The following PRKG1 variants were observed in gnomAD, a reference collection of about 807,000 sequenced individuals.
The protein encoded by PRKG1 is protein kinase cGMP-dependent 1, also known as cGMP-dependent protein kinase 1.
A neutral mutation model predicts 88.1 loss-of-function variants in PRKG1; 35 were observed. The ratio of observed to expected loss-of-function variants is 0.40; its 90% CI spans 0.30 to 0.53. The LOEUF (loss-of-function observed/expected upper bound fraction) is 0.53. Ranked by LOEUF, PRKG1 falls within the 20% of genes least tolerant of loss-of-function variation. The pLI is 0.59. For synonymous variants in PRKG1, 303 were observed against 292.5 expected (o/e 1.04, Z -0.37); for missense variants, 540 against 839.8 (o/e 0.64, Z 4.41).
intron 7 of PRKG1, among the ~76,000 whole-genome samples, chr10:52,069,827 A>G (rs1846451565): frequency 6.6e-6 from 1 of 151,856 alleles, no homozygotes; most frequent in African/African-American, 2.4e-5. Context: ...TACCCATGTG[A>G]AATATTATTC....
intron 3 of PRKG1, among the ~76,000 whole-genome samples, chr10:51,798,473 G>A (rs1372054767): frequency 6.6e-6 from 1 of 151,884 alleles, no homozygotes; most frequent in Non-Finnish European, 1.5e-5. Flanking sequence ...TTTGATAAAA[G>A]GAAAAATTTT....
chr10:51,300,443 T>C (rs1840852966), intron 2 of PRKG1, among the ~76,000 whole-genome samples: 2 of 152,362 alleles, frequency 1.3e-5, no homozygotes, highest in South Asian at 2.1e-4. Context: ...AATGATTTTT[T>C]CTCTTTTGTT....
At chr10:51,008,088 T>A (rs1264990827) in intron 1 of PRKG1, among the ~76,000 whole-genome samples, 2 of 152,160 alleles carry the variant, frequency 1.3e-5, no homozygotes, top group Non-Finnish European at 1.5e-5. Flanking sequence ...AGGGGAAAAT[T>A]GGAGGAAATT....
intron 3 of PRKG1, among the ~76,000 whole-genome samples, chr10:51,507,115 G>T (rs952209279): frequency 6.8e-6 from 1 of 147,974 alleles, no homozygotes; most frequent in African/African-American, 2.5e-5. Context: ...AACACATGAA[G>T]ACAGGAAGGG....
At chr10:52,271,657 ACT>A (rs1841733763) in intron 11 of PRKG1, among the ~76,000 whole-genome samples, 168 bp downstream of exon 11, 1 of 151,994 alleles carries the variant, frequency 6.6e-6, no homozygotes, top group Non-Finnish European at 1.5e-5. Context: ...TAAAGTTCTG[ACT>A]CTATTCTTTC....
intron 2 of PRKG1, among the ~76,000 whole-genome samples, chr10:51,315,163 C>A (rs1441625725): frequency 2.0e-5 from 3 of 151,822 alleles, no homozygotes; most frequent in Non-Finnish European, 4.4e-5. Context: ...TTTTTGTAAT[C>A]AAAAAAACTG....
At chr10:51,555,711 A>C (rs1752212286) in intron 3 of PRKG1, among the ~76,000 whole-genome samples, 1 of 151,998 alleles carries the variant, frequency 6.6e-6, no homozygotes, top group South Asian at 2.1e-4. Context: ...AGTGTATCGG[A>C]AAGTTTAGTA....
At chr10:52,128,741 A>G (rs920250027) in intron 7 of PRKG1, among the ~76,000 whole-genome samples, 4 of 152,208 alleles carry the variant, frequency 2.6e-5, no homozygotes, top group African/African-American at 4.8e-5. Context: ...TCTGCCAAAC[A>G]GTAGCTACTT....
chr10:51,283,590 C>G (rs924278138), intron 2 of PRKG1, among the ~76,000 whole-genome samples: 16 of 151,968 alleles, frequency 1.1e-4, no homozygotes, highest in Admixed American at 3.9e-4. Flanking sequence ...GACTATTGAG[C>G]CTTTAGGGTG....
chr10:51,829,940 T>C (rs915418663), intron 4 of PRKG1, among the ~76,000 whole-genome samples: 2 of 152,160 alleles, frequency 1.3e-5, no homozygotes, highest in African/African-American at 4.8e-5. Context: ...CAAAATGTTA[T>C]GGTAAAAACA....
intron 2 of PRKG1, among the ~76,000 whole-genome samples, chr10:51,189,914 T>G (rs1018420719): frequency 6.6e-6 from 1 of 151,868 alleles, no homozygotes; most frequent in East Asian, 1.9e-4. Flanking sequence ...GGGAGAAAAC[T>G]GAAGATTATA....
chr10:51,080,405 TG>T (rs1212608493), intron 1 of PRKG1, among the ~76,000 whole-genome samples: 1 of 151,698 alleles, frequency 6.6e-6, no homozygotes, highest in Non-Finnish European at 1.5e-5. Context: ...TTTCTATTGT[TG>T]CTGTTTGCAG....
chr10:51,022,295 T>G (rs543057517), intron 1 of PRKG1, among the ~76,000 whole-genome samples: 1 of 152,320 alleles, frequency 6.6e-6, no homozygotes, highest in African/African-American at 2.4e-5. Context: ...TAAGCCACTC[T>G]TATAGCATAG....
intron 1 of PRKG1, among the ~76,000 whole-genome samples, chr10:51,004,011 A>C (rs1320633616): frequency 2.0e-5 from 3 of 152,172 alleles, no homozygotes; most frequent in African/African-American, 7.2e-5. Flanking sequence ...GATATTGTAC[A>C]CATTTTCTCA....
chr10:51,133,779 C>T (rs983322362), intron 1 of PRKG1, among the ~76,000 whole-genome samples: 3 of 152,154 alleles, frequency 2.0e-5, no homozygotes, highest in Admixed American at 1.3e-4. Context: ...ATGATGAACA[C>T]TAATTCACAG....
At chr10:51,542,453 G>A (rs1424993536) in intron 3 of PRKG1, among the ~76,000 whole-genome samples, 1 of 152,130 alleles carries the variant, frequency 6.6e-6, no homozygotes, top group East Asian at 1.9e-4. Context: ...TAATGAGTAG[G>A]AATGCTGGGG....
At chr10:51,002,704 A>G (rs964976552) in intron 1 of PRKG1, among the ~76,000 whole-genome samples, 1 of 152,156 alleles carries the variant, frequency 6.6e-6, no homozygotes, top group Non-Finnish European at 1.5e-5. Context: ...CTGGATGTGA[A>G]GCAGTCTTGC....
intron 2 of PRKG1, among the ~76,000 whole-genome samples, chr10:51,380,671 A>G (rs552121692): frequency 6.6e-5 from 10 of 152,150 alleles, no homozygotes; most frequent in Non-Finnish European, 1.5e-4. Context: ...CAGCTTGTGG[A>G]TGTAACAAAT....
chr10:51,402,516 G>A (rs1242792358), intron 2 of PRKG1, among the ~76,000 whole-genome samples: 1 of 152,176 alleles, frequency 6.6e-6, no homozygotes, highest in Non-Finnish European at 1.5e-5. Flanking sequence ...GGAAGAATCA[G>A]CTAGGACCCA....
Sources: gnomAD v4.1 joint callset for allele counts (sites outside exome capture counted in the v4.1 genomes callset) on GRCh38, gnomAD v4.1.1 for gene constraint, MANE v1.5 for transcripts, NCBI Gene and HGNC (gene_info 2026-07-23, HGNC 2026-07-21) for gene names.